DIABLO: variants seen among roughly 807,000 people sequenced by gnomAD.
DIABLO encodes the protein diablo homolog, mitochondrial.
A neutral mutation model predicts 31.7 loss-of-function variants in DIABLO; 32 were observed. That is an observed-to-expected ratio of 1.01 (90% CI 0.76 to 1.35). DIABLO has a LOEUF of 1.35. DIABLO is among the 40% of genes most tolerant of loss of function. DIABLO has a pLI of 0.00. For missense variants in DIABLO, 316 were observed against 286.4 expected, an observed-to-expected ratio of 1.10 and a Z score of -0.75; for synonymous variants, 132 against 103.2, an observed-to-expected ratio of 1.28 and a Z score of -1.69.
In DIABLO at chr12:122,224,386, G is replaced by A. The variant is rs879203359; in HGVS notation, c.183+126C>T. 12 of 1,390,264 alleles carry A rather than the reference G, an allele frequency of 8.6e-6. 1 individual carries two copies. The South Asian group carries it at 1.2e-4, about 13-fold the overall frequency. 86.1% of individuals were successfully genotyped at this position (1,390,264 alleles called of 1,614,324 possible). A position where few individuals can be genotyped will look rare whatever the true frequency, so the allele number is the denominator to read the frequency against. ...ATCTGCTCAACTGTGAAAAGATGCC[G>A]GTACTGTGGGGGAAGGGATGGGAGC... On this transcript the variant is annotated intron_variant, in intron 2 of 5. Transcript: ENST00000464942.
At chr12:122,216,357 A>C in intron 5 of DIABLO, 131 bp downstream of exon 5, 2 of 758,542 alleles carry the variant, frequency 2.6e-6, no homozygotes, top group African/African-American at 3.6e-5. Context: ...AATGGGGAAA[A>C]TTTCTCAAAG....
At chr12:122,223,433 TAAAAAAAA>T (rs34214105) in intron 2 of DIABLO, among the ~76,000 whole-genome samples, 1 of 139,996 alleles carries the variant, frequency 7.1e-6, no homozygotes, top group Non-Finnish European at 1.6e-5. Context: ...ACTCTGTCTT[TAAAAAAAA>T]AAAAAAAAAA....
upstream of DIABLO, chr12:122,226,190 T>TA (rs1239560652): frequency 9.7e-7 from 1 of 1,028,292 alleles, no homozygotes; most frequent in East Asian, 2.6e-5. Flanking sequence ...GCAAAGGCTG[T>TA]AACGGCCGCG....
At chr12:122,225,456 T>C in intron 1 of DIABLO, 2 of 1,007,582 alleles carry the variant, frequency 2.0e-6, no homozygotes, top group Middle Eastern at 5.2e-4. Context: ...TAACCGCTCC[T>C]GCAGGCAGAA....
chr12:122,208,025 C>T lies in DIABLO; in HGVS notation c.*356G>A, dbSNP rs1485212984. The T allele has an allele frequency of 9.8e-6, 5 of 511,632 alleles. No individual in the cohort carries two copies. The highest frequency in any genetic ancestry group is 7.7e-5 in the South Asian group (5 of 64,974). 31.7% of individuals were successfully genotyped at this position (511,632 alleles called of 1,614,324 possible). A position where few individuals can be genotyped will look rare whatever the true frequency, so the allele number is the denominator to read the frequency against. On this transcript the variant is annotated 3_prime_UTR_variant, in exon 6 of 6. Coordinates refer to ENST00000464942, the MANE Select transcript of DIABLO (RefSeq NM_001371333.1). ...ATCATTTTTGACGACGTAAATAAGA[C>T]TGAAAACAGGTTAAACAGTTGCTGA... is the stretch of plus-strand genomic sequence containing the variant.
upstream of DIABLO, chr12:122,226,186 GC>G (rs1566031227): frequency 3.8e-6 from 4 of 1,047,960 alleles, no homozygotes; most frequent in Non-Finnish European, 5.7e-6. Flanking sequence ...TAGGGCAAAG[GC>G]TGTAACGGCC....
At chr12:122,218,511 T>C in intron 2 of DIABLO, 114 bp from the exon 3 acceptor site, 3 of 1,343,040 alleles carry the variant, frequency 2.2e-6, no homozygotes, top group Non-Finnish European at 3.2e-6. Flanking sequence ...AGGCTGAAAC[T>C]GCACTATATT....
At chr12:122,224,945 G>A (rs1377129489) in intron 1 of DIABLO, 4 of 793,206 alleles carry the variant, frequency 5.0e-6, no homozygotes, top group South Asian at 1.8e-5. Context: ...ACATGACCCC[G>A]TGTCTATTAA....
Position 122,216,455 on chromosome 12 carries a change from A to T in DIABLO, c.523+33T>A, listed in dbSNP as rs190518526. ...ATGGTACCTTCCTAGTTAAAAAATT[A>T]AAAAAAAAACCCAACACAAAACTTG... On this transcript the variant is annotated intron_variant, in intron 5 of 5. Transcript: ENST00000464942. 9.1e-5 allele frequency: 134 copies of T among 1,466,714 alleles called. No homozygotes were observed. In the African/African-American group the frequency reaches 1.2e-3, roughly 13 times the overall value. The allele number at this position is 1,466,714 out of a possible 1,614,324, so 90.9% of individuals were successfully genotyped here. A position where few individuals can be genotyped will look rare whatever the true frequency, so the allele number is the denominator to read the frequency against.
upstream of DIABLO, chr12:122,226,414 C>A (rs1566031676): frequency 1.4e-6 from 1 of 691,010 alleles, no homozygotes; most frequent in Non-Finnish European, 2.6e-6. Context: ...CGGGGCCGGG[C>A]GCGGCGACGG....
intron 2 of DIABLO, among the ~76,000 whole-genome samples, chr12:122,219,128 G>T (rs372593664): frequency 2.0e-5 from 3 of 151,868 alleles, no homozygotes; most frequent in African/African-American, 7.3e-5. Flanking sequence ...AGCTACTTGG[G>T]AGGCTGAGGC....
rs373558431 is a variant in DIABLO at position 122,216,277 on chromosome 12, A to C, written c.523+211T>G. Among the ~76,000 whole-genome samples the C allele has an allele frequency of 5.3e-5, 8 of 152,360 alleles. 1 individual carries two copies. The South Asian group carries it at 1.4e-3, about 28-fold the overall frequency. On this transcript the variant is annotated intron_variant, in intron 5 of 5. Transcript: ENST00000464942. ...ATTTTGAAGACATAACCTAGCTTCT[A>C]CTGGTCTGGTCTGCAAGGGTATGCT...
At chr12:122,210,583 G>A (rs901483679) in intron 5 of DIABLO, among the ~76,000 whole-genome samples, 3 of 150,856 alleles carry the variant, frequency 2.0e-5, no homozygotes, top group African/African-American at 7.4e-5. Flanking sequence ...GTTTCACCAC[G>A]TTAGCCAGGA....
At position 122,208,499 on chromosome 12, in the gene DIABLO, G is replaced by C. The variant is rs1193868082; in HGVS notation, c.602C>G (p.Ser201Cys). The change falls in exon 6 of 6, where the codon TCC becomes TGC. Residue 201 changes from serine (S) to cysteine (C), a missense_variant. Ser to Cys is a moderately radical substitution (Grantham distance 112). Transcript: ENST00000464942. ...KLQVEEVHQL[S>C]RKAETKLAEA... The stretch of plus-strand genomic sequence containing the variant: ...TGCCAGCTTGGTTTCTGCTTTCCGG[G>C]AGAGCTGGTGCACCTCTTCCACCTG... 1 of 1,614,010 alleles carries C rather than the reference G, an allele frequency of 6.2e-7. No individual in the cohort carries two copies. Among genetic ancestry groups the C allele is most frequent in the Non-Finnish European group, 8.5e-7 (1 of 1,180,044 alleles).
chr12:122,227,018 A>AT (rs1435692974), upstream of DIABLO, among the ~76,000 whole-genome samples: 4 of 152,146 alleles, frequency 2.6e-5, no homozygotes, highest in East Asian at 7.7e-4. Flanking sequence ...CACAGGCCCA[A>AT]ACCTGCTCTT....
intron 1 of DIABLO, chr12:122,225,339 A>T: frequency 2.2e-6 from 2 of 920,332 alleles, no homozygotes; most frequent in Non-Finnish European, 2.6e-6. Flanking sequence ...GTGAGCTGAG[A>T]TCTCGCCACT....
intron 2 of DIABLO, 80 bp downstream of exon 2, chr12:122,224,432 C>A (rs1051277225): frequency 1.2e-6 from 2 of 1,609,994 alleles, no homozygotes; most frequent in African/African-American, 2.7e-5. Flanking sequence ...ACTATGGTAG[C>A]TTGTCTAATG....
intron 5 of DIABLO, 64 bp from the exon 6 acceptor site, chr12:122,208,641 T>C (rs748451619): frequency 3.2e-6 from 5 of 1,554,706 alleles, no homozygotes; most frequent in Non-Finnish European, 2.6e-6. Context: ...CATGTGGACG[T>C]TGGCCTGGGG....
At chr12:122,225,610 G>A (rs911704824) in intron 1 of DIABLO, 7 of 1,232,062 alleles carry the variant, frequency 5.7e-6, no homozygotes, top group East Asian at 4.6e-5. Flanking sequence ...TCAGACGCTC[G>A]TCTCCCTTCC....
Sources: allele counts gnomAD v4.1 joint callset (sites outside exome capture counted in the v4.1 genomes callset), GRCh38; gene constraint gnomAD v4.1.1; transcripts MANE v1.5; gene names NCBI Gene and HGNC (gene_info 2026-07-23, HGNC 2026-07-21).